SOX6: variants seen among roughly 807,000 people sequenced by gnomAD.
The protein encoded by SOX6 is transcription factor SOX-6.
In SOX6, 11 loss-of-function variants were observed where a neutral mutation model predicts 97.8. That is an observed-to-expected ratio of 0.11 (90% CI 0.07 to 0.19). SOX6 has a LOEUF of 0.19. Ranked by LOEUF, SOX6 falls within the 10% of genes least tolerant of loss-of-function variation. The pLI, the probability that SOX6 is intolerant of heterozygous loss-of-function variation, is 1.00. For missense variants in SOX6, 810 were observed against 1,039.5 expected, an observed-to-expected ratio of 0.78 and a Z score of 3.04; for synonymous variants, 360 against 371.4, an observed-to-expected ratio of 0.97 and a Z score of 0.35.
intron 7 of SOX6, among the ~76,000 whole-genome samples, chr11:16,103,355 T>TA (rs954446686): frequency 1.5e-4 from 22 of 146,586 alleles, no homozygotes; most frequent in South Asian, 6.5e-4. Context: ...ATGGTCATAA[T>TA]AAAAAAAAAA....
At chr11:16,054,526 CTTA>C (rs1564928828) in intron 10 of SOX6, among the ~76,000 whole-genome samples, 1 of 152,126 alleles carries the variant, frequency 6.6e-6, no homozygotes, top group Admixed American at 6.6e-5. Flanking sequence ...GACTACTTCT[CTTA>C]GTGATTTTCA....
intron 1 of SOX6, among the ~76,000 whole-genome samples, chr11:16,388,089 C>T (rs965105474): frequency 2.6e-5 from 4 of 152,052 alleles, no homozygotes; most frequent in Non-Finnish European, 4.4e-5. Flanking sequence ...CCTAGCCATC[C>T]TTTTCAGATA....
intron 3 of SOX6, among the ~76,000 whole-genome samples, chr11:16,664,295 G>A (rs1847788824): frequency 6.6e-6 from 1 of 152,188 alleles, no homozygotes; most frequent in Admixed American, 6.5e-5. Flanking sequence ...TGAAGAGGGT[G>A]GAAAAGCCAG....
Position 16,563,636 on chromosome 11 carries a change from CT to C in SOX6, n.609+48444del, listed in dbSNP as rs1205965049. ...AAACTTTGAGGATATAGCAAAATAT[CT>C]AATATTCATGTCCTCAGAGTCCTGG... On this transcript the variant is annotated intron_variant and non_coding_transcript_variant, in intron 4 of 5. Transcript: ENST00000524520. Among the ~76,000 whole-genome samples the C allele has an allele frequency of 2.0e-5, 3 of 152,122 alleles. No homozygotes were observed. The East Asian group carries it at 5.8e-4, about 29-fold the overall frequency.
At chr11:16,479,193 T>G (rs758297881), upstream of SOX6, among the ~76,000 whole-genome samples, 12 of 152,322 alleles carry the variant, frequency 7.9e-5, no homozygotes, top group Non-Finnish European at 1.6e-4. Context: ...ATATTCTTAA[T>G]GTACTAAATA....
chr11:16,541,105 T>C (rs1861401259), intron 4 of SOX6, among the ~76,000 whole-genome samples: 1 of 152,116 alleles, frequency 6.6e-6, no homozygotes, highest in Admixed American at 6.5e-5. Context: ...AACAGCATGG[T>C]ACTGGTACCA....
Position 16,714,278 on chromosome 11 carries a change from TTTTG to T in SOX6, n.429+548_429+551del, listed in dbSNP as rs911966944. Reference sequence around the variant, plus strand: ...AAAAAAAAATCTGCTTCCATGGAACTTTTGTTTGATTTCCAACTTCCCTAAAATT... The same window carrying T: ...AAAAAAAAATCTGCTTCCATGGAACTTTTGATTTCCAACTTCCCTAAAATT... On this transcript the variant is annotated intron_variant and non_coding_transcript_variant, in intron 3 of 5. Coordinates refer to the SOX6 transcript ENST00000524520. 9.2e-5 allele frequency among the ~76,000 whole-genome samples: 14 copies of T among 152,142 alleles called. No individual in the cohort carries two copies. In the East Asian group the frequency reaches 1.5e-3, roughly 17 times the overall value.
intron 1 of SOX6, among the ~76,000 whole-genome samples, chr11:16,380,994 C>G (rs565715548): frequency 7.0e-5 from 8 of 113,860 alleles, no homozygotes; most frequent in Non-Finnish European, 1.5e-4. Flanking sequence ...GATTCCTTGT[C>G]TTTAAACTTA....
At chr11:16,482,254 A>C (rs1860357028) in intron 4 of SOX6, among the ~76,000 whole-genome samples, 1 of 152,234 alleles carries the variant, frequency 6.6e-6, no homozygotes, top group Non-Finnish European at 1.5e-5. Flanking sequence ...ATTGAATATC[A>C]ATAAACTTTT....
chr11:16,664,725 G>C (rs373903639), intron 3 of SOX6, among the ~76,000 whole-genome samples: 1 of 152,044 alleles, frequency 6.6e-6, no homozygotes, highest in Non-Finnish European at 1.5e-5. Flanking sequence ...GGAAGCCAAG[G>C]GAGTGCTTGT....
intron 1 of SOX6, among the ~76,000 whole-genome samples, chr11:16,345,515 C>T (rs981645888): frequency 2.0e-5 from 3 of 151,950 alleles, no homozygotes; most frequent in African/African-American, 7.2e-5. Flanking sequence ...GTACGAACAC[C>T]TCTAGAAAGG....
intron 3 of SOX6, among the ~76,000 whole-genome samples, chr11:16,280,597 C>T (rs1204774575): frequency 2.0e-5 from 3 of 151,926 alleles, no homozygotes; most frequent in Non-Finnish European, 4.4e-5. Flanking sequence ...GCTCATTCAC[C>T]GATTTCACAT....
chr11:16,360,775 G>A (rs7932056), upstream of SOX6, among the ~76,000 whole-genome samples: 43,350 of 151,942 alleles, frequency 0.29, 6,651 homozygotes, highest in African/African-American at 0.36. Flanking sequence ...AGGCTGAGGC[G>A]GGCAGATCAC....
intron 10 of SOX6, among the ~76,000 whole-genome samples, chr11:16,050,169 G>A (rs1464101435): frequency 6.6e-6 from 1 of 151,948 alleles, no homozygotes; most frequent in Non-Finnish European, 1.5e-5. Context: ...CATTCTTTTT[G>A]CCAAATTAAA....
At chr11:16,018,702 C>A (rs1281641694) in intron 12 of SOX6, among the ~76,000 whole-genome samples, 1 of 151,992 alleles carries the variant, frequency 6.6e-6, no homozygotes, top group African/African-American at 2.4e-5. Flanking sequence ...TTTATACGTT[C>A]CCACGTAACA....
chr11:16,720,475 T>C (rs1198368388), intron 2 of SOX6, among the ~76,000 whole-genome samples: 37 of 133,638 alleles, frequency 2.8e-4, no homozygotes, highest in African/African-American at 9.2e-4. Context: ...TTCTCACTCA[T>C]AGATGGGAAT....
At chr11:16,451,516 C>T (rs1275059783) in intron 1 of SOX6, among the ~76,000 whole-genome samples, 1 of 152,122 alleles carries the variant, frequency 6.6e-6, no homozygotes, top group Non-Finnish European at 1.5e-5. Flanking sequence ...GTAATGTGTA[C>T]ATGTTACTTA....
rs1481793848 is a variant in SOX6, at chr11:15,968,877, G to C, written c.*3932C>G. On this transcript the variant is annotated 3_prime_UTR_variant, in exon 16 of 16. Transcript: ENST00000683767. ...AAGCAAACCGAGGTGCTTCTAAAAGGCTGAGCTGGGTACACATGAAAACAA... is the reference window on the plus strand; with the variant it reads ...AAGCAAACCGAGGTGCTTCTAAAAGCCTGAGCTGGGTACACATGAAAACAA... 1.3e-5 allele frequency: 2 copies of C among 152,136 alleles called. No homozygotes were observed. Among genetic ancestry groups the C allele is most frequent in the Non-Finnish European group, 2.9e-5 (2 of 68,050 alleles). The allele number at this position is 152,136 out of a possible 1,614,324, so 9.4% of individuals were successfully genotyped here.
intron 6 of SOX6, among the ~76,000 whole-genome samples, chr11:16,141,930 G>C (rs1850154540): frequency 6.6e-6 from 1 of 152,142 alleles, no homozygotes; most frequent in South Asian, 2.1e-4. Flanking sequence ...TCTGGAGGCA[G>C]GGCAGAGCTG....
Sources: allele counts gnomAD v4.1 joint callset (sites outside exome capture counted in the v4.1 genomes callset), GRCh38; gene constraint gnomAD v4.1.1; transcripts MANE v1.5; gene names NCBI Gene and HGNC (gene_info 2026-07-23, HGNC 2026-07-21).